The following LRRC4C variants were observed in gnomAD, a reference collection of about 807,000 sequenced individuals.
The protein encoded by LRRC4C is leucine rich repeat containing 4C.
Under a neutral mutation model 33.6 loss-of-function variants are expected in LRRC4C, and 5 were observed. That is an observed-to-expected ratio of 0.15 (90% confidence interval 0.08 to 0.31). LRRC4C has a LOEUF of 0.31. LRRC4C is among the 10% of genes least tolerant of loss of function. The pLI is 1.00. For synonymous variants in LRRC4C, 329 were observed against 302.0 expected, an observed-to-expected ratio of 1.09 and a Z score of -0.93; for missense variants, 560 against 796.7, an observed-to-expected ratio of 0.70 and a Z score of 3.58.
At chr11:41,250,546 G>T in intron 1 of LRRC4C, among the ~76,000 whole-genome samples, 1 of 152,262 alleles carries the variant, frequency 6.6e-6, no homozygotes, top group South Asian at 2.1e-4. Flanking sequence ...GAAATCCAGT[G>T]GTTCAGGCAT....
chr11:40,443,223 C>T (rs936116853), intron 3 of LRRC4C, among the ~76,000 whole-genome samples: 1 of 152,042 alleles, frequency 6.6e-6, no homozygotes, highest in African/African-American at 2.4e-5. Flanking sequence ...ACCTTTTTGT[C>T]CTGGCACCAT....
intron 2 of LRRC4C, among the ~76,000 whole-genome samples, chr11:40,886,366 A>ATAGAAGTGC (rs1224478482): frequency 4.0e-5 from 6 of 150,378 alleles, no homozygotes; most frequent in Non-Finnish European, 8.9e-5. Flanking sequence ...ATTCAATGCA[A>ATAGAAGTGC]TAGAAGTGCT....
At chr11:41,126,077 A>T (rs55692379) in intron 1 of LRRC4C, among the ~76,000 whole-genome samples, 57 of 152,258 alleles carry the variant, frequency 3.7e-4, no homozygotes, top group Non-Finnish European at 6.0e-4. Context: ...AAAATGTCTA[A>T]TGCATGTGGG....
chr11:40,736,892 CT>C (rs1203513741), intron 2 of LRRC4C, among the ~76,000 whole-genome samples: 1 of 137,666 alleles, frequency 7.3e-6, no homozygotes, highest in Non-Finnish European at 1.5e-5. Flanking sequence ...TGTTCAAGTT[CT>C]TTGTATATTC....
chr11:40,822,708 T>C (rs552950779), intron 2 of LRRC4C, among the ~76,000 whole-genome samples: 2 of 151,908 alleles, frequency 1.3e-5, no homozygotes, highest in South Asian at 4.1e-4. Flanking sequence ...TTTTTATTTG[T>C]CTGTATCTTT....
intron 1 of LRRC4C, among the ~76,000 whole-genome samples, chr11:40,982,481 A>G (rs1212880883): frequency 6.6e-6 from 1 of 152,192 alleles, no homozygotes; most frequent in African/African-American, 2.4e-5. Context: ...GAACTAGACC[A>G]GTGGTTTAAA....
intron 2 of LRRC4C, among the ~76,000 whole-genome samples, chr11:40,726,291 T>A (rs1270813260): frequency 1.3e-5 from 2 of 152,052 alleles, no homozygotes; most frequent in Non-Finnish European, 2.9e-5. Flanking sequence ...GATGCCTCTC[T>A]AACTTCTCTA....
At chr11:40,966,254 T>TAGTTA (rs1851358004) in intron 1 of LRRC4C, among the ~76,000 whole-genome samples, 1 of 152,002 alleles carries the variant, frequency 6.6e-6, no homozygotes, top group Non-Finnish European at 1.5e-5. Flanking sequence ...TTTTTACATT[T>TAGTTA]GCATCTTTAC....
At chr11:41,290,517 G>C (rs913698665) in intron 1 of LRRC4C, among the ~76,000 whole-genome samples, 4 of 152,090 alleles carry the variant, frequency 2.6e-5, no homozygotes, top group Non-Finnish European at 5.9e-5. Context: ...TGTGCTTGCT[G>C]CTGAATGTAT....
Position 40,266,684 on chromosome 11 carries a change from A to G in LRRC4C, c.-175-25086T>C, listed in dbSNP as rs557726937. ...CACAGACATTTGTTGAATCTTCGGC[A>G]TGGGTATCTTAGGAAATCCTGACAA... On this transcript the variant is annotated intron_variant, in intron 4 of 6. Coordinates refer to ENST00000528697, the MANE Select transcript of LRRC4C (RefSeq NM_001258419.2). 7.9e-5 allele frequency among the ~76,000 whole-genome samples: 12 copies of G among 152,280 alleles called. No homozygotes were observed. The South Asian group carries it at 2.5e-3, about 32-fold the overall frequency.
intron 4 of LRRC4C, among the ~76,000 whole-genome samples, chr11:40,297,389 A>G (rs1179147747): frequency 6.6e-6 from 1 of 152,206 alleles, no homozygotes; most frequent in Middle Eastern, 3.2e-3. Context: ...AATTAATTTC[A>G]TTAAAACAAC....
chr11:40,577,840 T>C lies in LRRC4C; in HGVS notation c.-270+70302A>G, dbSNP rs562575863. ...TGTTTGTTTTCTTTTTTCTTTTTTT[T>C]TTTTTTTTTTTTTGAGACGGAGTCT... On this transcript the variant is annotated intron_variant, in intron 3 of 6. Coordinates refer to ENST00000528697, the MANE Select transcript of LRRC4C (RefSeq NM_001258419.2). 4.9e-5 allele frequency among the ~76,000 whole-genome samples: 7 copies of C among 143,024 alleles called. No homozygotes were observed. The East Asian group carries it at 1.2e-3, about 25-fold the overall frequency. The allele number at this position is 143,024 out of a possible 152,430, so 93.8% of individuals were successfully genotyped here.
rs898218939 is a variant in LRRC4C, at chr11:40,114,418, T to C, written c.1875A>G (p.Leu625=). 1 of 1,614,116 alleles carries C rather than the reference T, an allele frequency of 6.2e-7. No homozygotes were observed. The highest frequency in any genetic ancestry group is 1.3e-5 in the African/African-American group (1 of 75,032). ...TGTCTTTAGAGTTCATTCGGATCAA[T>C]AACGGTTCATGCACTGAACTGTGTA... is the stretch of plus-strand genomic sequence containing the variant. ...NSIHSSVHEP[L]LIRMNSKDNV... is the part of the protein sequence containing the mutation. Residue 625 remains leucine, a synonymous_variant, in exon 7 of 7, where the codon TTA becomes TTG. Transcript: ENST00000528697.
At chr11:40,608,810 T>C (rs2135865506) in intron 3 of LRRC4C, among the ~76,000 whole-genome samples, 2 of 151,936 alleles carry the variant, frequency 1.3e-5, no homozygotes, top group East Asian at 3.9e-4. Context: ...AGACTTTAAA[T>C]CCAAAATGAC....
intron 3 of LRRC4C, among the ~76,000 whole-genome samples, chr11:40,525,806 T>C (rs1171206609): frequency 6.6e-6 from 1 of 151,834 alleles, no homozygotes; most frequent in East Asian, 1.9e-4. Context: ...AAAACAAAAC[T>C]GTAGGAAATA....
intron 1 of LRRC4C, among the ~76,000 whole-genome samples, chr11:40,987,243 C>T (rs900591664): frequency 6.6e-6 from 1 of 152,138 alleles, no homozygotes; most frequent in Non-Finnish European, 1.5e-5. Context: ...GATGGAGAAG[C>T]TAAATCTCAG....
chr11:40,893,326 G>A (rs573137970), intron 2 of LRRC4C, among the ~76,000 whole-genome samples: 14 of 152,112 alleles, frequency 9.2e-5, no homozygotes, highest in African/African-American at 3.1e-4. Flanking sequence ...GCACAACAGG[G>A]TGACTACAAT....
intron 1 of LRRC4C, among the ~76,000 whole-genome samples, chr11:41,423,126 G>T (rs1319551088): frequency 6.6e-6 from 1 of 152,052 alleles, no homozygotes; most frequent in Admixed American, 6.6e-5. Context: ...AGGTCACAAT[G>T]ACTAACATGA....
intron 2 of LRRC4C, among the ~76,000 whole-genome samples, chr11:40,776,438 T>A (rs61888006): frequency 0.03 from 4,577 of 152,256 alleles, 88 homozygotes; most frequent in Middle Eastern, 0.051. Context: ...GGGTTTCAAT[T>A]TCTTCCTGAT....
Sources: gnomAD v4.1 joint callset for allele counts (sites outside exome capture counted in the v4.1 genomes callset) on GRCh38, gnomAD v4.1.1 for gene constraint, MANE v1.5 for transcripts, NCBI Gene and HGNC (gene_info 2026-07-23, HGNC 2026-07-21) for gene names.